DPEP1: variants seen among roughly 807,000 people sequenced by gnomAD.
DPEP1 encodes the protein dipeptidase 1, also known as beta-lactamase.
In DPEP1, 50 loss-of-function variants were observed where a neutral mutation model predicts 42.3. The observed-to-expected ratio is 1.18, with a 90% CI of 0.94 to 1.50. DPEP1 has a LOEUF of 1.50. Ranked by LOEUF, DPEP1 falls within the 40% of genes most tolerant of loss-of-function variation. The pLI is 0.00. For missense variants in DPEP1, 663 were observed against 553.0 expected (o/e 1.20, Z -1.99); for synonymous variants, 297 against 234.0 (o/e 1.27, Z -2.46).
intron 1 of DPEP1, among the ~76,000 whole-genome samples, chr16:89,622,699 G>A (rs979953517): frequency 1.3e-5 from 2 of 151,490 alleles, no homozygotes; most frequent in South Asian, 2.1e-4. Context: ...CAGGAGAATC[G>A]CTTGAACCCA....
intron 1 of DPEP1, chr16:89,620,476 C>G (rs1281474078): frequency 6.6e-6 from 1 of 152,304 alleles, no homozygotes; most frequent in African/African-American, 2.4e-5. Flanking sequence ...TGGCCTGGGA[C>G]CGAGAGTCCC....
chr16:89,637,409 C>G (rs367666025), intron 7 of DPEP1, 29 bp downstream of exon 7: 1 of 1,612,392 alleles, frequency 6.2e-7, no homozygotes, highest in East Asian at 2.2e-5. Flanking sequence ...ACCTCCACCC[C>G]GCCTCCCTGG....
At position 89,630,469 on chromosome 16, in the gene DPEP1, G is replaced by A. The variant is rs771339416; in HGVS notation, c.59G>A (p.Arg20Gln). The change falls in exon 2 of 11, where the codon CGG becomes CAG. Residue 20 changes from arginine to glutamine, a missense_variant. Arg to Gln is a conservative substitution (Grantham distance 43, BLOSUM62 1). Coordinates refer to ENST00000690203, the MANE Select transcript of DPEP1 (RefSeq NM_001389466.1). ...LVAVCTADFF[R>Q]DEAERIMRDS... is the part of the protein sequence containing the mutation. ...GCCGTCTGCACTGCAGACTTCTTTC[G>A]GGACGAGGCAGAGAGGATCATGAGG... 27 of 1,610,244 alleles carry A rather than the reference G, an allele frequency of 1.7e-5. No homozygotes were observed. The highest frequency in any genetic ancestry group is 1.2e-4 in the African/African-American group (9 of 74,278).
chr16:89,614,265 C>T (rs867869095), intron 1 of DPEP1, among the ~76,000 whole-genome samples: 5 of 152,176 alleles, frequency 3.3e-5, no homozygotes, highest in Non-Finnish European at 7.3e-5. Flanking sequence ...TCCACTGTGC[C>T]GGCTGTTCCT....
intron 1 of DPEP1, 143 bp from the exon 2 acceptor site, chr16:89,630,162 C>A (rs921831225): frequency 1.4e-5 from 5 of 346,582 alleles, no homozygotes; most frequent in Non-Finnish European, 2.7e-5. Context: ...GACAGCAACG[C>A]CCAGTCATTG....
rs374005684 is a variant in DPEP1, at chr16:89,636,365, G to A, written c.339G>A (p.Pro113=). Residue 113 remains proline, a synonymous_variant, in exon 4 of 11, where the codon CCG becomes CCA. Transcript: ENST00000690203. ...TCCACCGCATGTGCCGGATGTACCC[G>A]GAGACCTTCCTGTATGTCACCAGCA... ...DVVHRMCRMY[P]ETFLYVTSSA... is the part of the protein sequence containing the mutation. 16 of 1,612,362 alleles carry A rather than the reference G, an allele frequency of 9.9e-6. No individual in the cohort carries two copies. The highest frequency in any genetic ancestry group is 6.7e-5 in the African/African-American group (5 of 74,880).
chr16:89,623,650 C>T (rs972486439), intron 1 of DPEP1, among the ~76,000 whole-genome samples: 4 of 152,030 alleles, frequency 2.6e-5, no homozygotes, highest in African/African-American at 9.7e-5. Flanking sequence ...GGAGACCAGA[C>T]GCACAACCCC....
At chr16:89,617,689 A>G (rs112178915) in intron 1 of DPEP1, among the ~76,000 whole-genome samples, 69 of 576 alleles carry the variant, frequency 0.12, 4 homozygotes, top group South Asian at 0.29. Context: ...TAATCCCAGC[A>G]CTTTGGGAGG....
intron 1 of DPEP1, chr16:89,616,897 A>T: frequency 4.3e-6 from 1 of 235,108 alleles, no homozygotes; most frequent in Non-Finnish European, 8.6e-6. Flanking sequence ...AAGCAGGCAG[A>T]GAGCGGCCAG....
chr16:89,623,263 T>C (rs2059467582), intron 1 of DPEP1, among the ~76,000 whole-genome samples: 2 of 151,610 alleles, frequency 1.3e-5, no homozygotes, highest in South Asian at 4.2e-4. Flanking sequence ...GAGTCCAGCC[T>C]GGGCAGCATA....
At chr16:89,618,692 C>T (rs1027720790) in intron 1 of DPEP1, among the ~76,000 whole-genome samples, 1 of 152,054 alleles carries the variant, frequency 6.6e-6, no homozygotes, top group African/African-American at 2.4e-5. Context: ...GAGACGAGGT[C>T]TCCTTGTGTT....
chr16:89,634,356 G>A (rs1156423706), intron 2 of DPEP1, among the ~76,000 whole-genome samples: 13 of 152,028 alleles, frequency 8.6e-5, no homozygotes. Flanking sequence ...CAAAGTGCTG[G>A]GATTACAGGC....
intron 2 of DPEP1, among the ~76,000 whole-genome samples, chr16:89,635,314 G>A (rs1389179354): frequency 6.6e-6 from 1 of 152,014 alleles, no homozygotes; most frequent in African/African-American, 2.4e-5. Flanking sequence ...TGGAAGTTTA[G>A]AAGGATCTGA....
At chr16:89,633,227 C>G (rs984929773) in intron 2 of DPEP1, among the ~76,000 whole-genome samples, 2 of 152,180 alleles carry the variant, frequency 1.3e-5, no homozygotes, top group Non-Finnish European at 2.9e-5. Flanking sequence ...TCCTGACCAC[C>G]CACTCTGCTC....
chr16:89,632,530 C>G (rs376695817), intron 2 of DPEP1, among the ~76,000 whole-genome samples: 39 of 152,328 alleles, frequency 2.6e-4, no homozygotes, highest in African/African-American at 9.1e-4. Context: ...CCAGCAGTCT[C>G]CCCACGAACA....
intron 1 of DPEP1, among the ~76,000 whole-genome samples, chr16:89,616,146 C>T (rs1057454829): frequency 1.3e-5 from 2 of 151,020 alleles, no homozygotes; most frequent in African/African-American, 4.9e-5. Flanking sequence ...GAGGCTGGGT[C>T]CGTGGGGCTT....
At chr16:89,635,883 C>T in intron 2 of DPEP1, 25 bp from the exon 3 acceptor site, 1 of 1,573,380 alleles carries the variant, frequency 6.4e-7, no homozygotes, top group Non-Finnish European at 8.6e-7. Flanking sequence ...CCCTGACTGC[C>T]TGGCCTCTCC....
intron 1 of DPEP1, among the ~76,000 whole-genome samples, chr16:89,617,466 G>A (rs1597739247): frequency 6.6e-6 from 1 of 152,192 alleles, no homozygotes; most frequent in South Asian, 2.1e-4. Flanking sequence ...AAGCATCCAC[G>A]CCAGGAGGTC....
intron 1 of DPEP1, among the ~76,000 whole-genome samples, chr16:89,627,826 A>G (rs2151488208): frequency 1.3e-5 from 2 of 151,066 alleles, no homozygotes; most frequent in East Asian, 4.0e-4. Flanking sequence ...TGCCCAGTAA[A>G]TTTTTGTATT....
Sources: allele counts gnomAD v4.1 joint callset (sites outside exome capture counted in the v4.1 genomes callset), GRCh38; gene constraint gnomAD v4.1.1; transcripts MANE v1.5; gene names NCBI Gene and HGNC (gene_info 2026-07-23, HGNC 2026-07-21).